The following SYTL5 variants were observed in gnomAD, a reference collection of about 807,000 sequenced individuals.
SYTL5 encodes the protein synaptotagmin-like protein 5.
In SYTL5, 34 loss-of-function variants were observed where a neutral mutation model predicts 55.9. The ratio of observed to expected loss-of-function variants is 0.61; its 90% CI spans 0.46 to 0.81. The LOEUF is 0.81. Ranked by LOEUF, SYTL5 falls within the 30% of genes least tolerant of loss-of-function variation. The pLI is 0.00. For missense variants in SYTL5, 637 were observed against 546.7 expected, an observed-to-expected ratio of 1.17 and a Z score of -1.65; for synonymous variants, 221 against 188.7, an observed-to-expected ratio of 1.17 and a Z score of -1.40.
chrX:38,115,927 C>T (rs888687982), intron 13 of SYTL5, among the ~76,000 whole-genome samples: 1 of 112,066 alleles, frequency 8.9e-6, no homozygotes, highest in Non-Finnish European at 1.9e-5. Flanking sequence ...CTTTGCTCTG[C>T]AGAAGTTCAG....
chrX:37,949,456 A>C, the SYTL5 span: 1 of 111,818 alleles, frequency 8.9e-6, no homozygotes, highest in Non-Finnish European at 1.9e-5. Flanking sequence ...TGTTGTTGTT[A>C]TTCATATTGC....
the SYTL5 span, among the ~76,000 whole-genome samples, chrX:37,890,041 G>C: frequency 9.0e-6 from 1 of 111,532 alleles, no homozygotes; most frequent in Non-Finnish European, 1.9e-5. Flanking sequence ...TTATACAAAG[G>C]CTGGAAGGTA....
chrX:37,906,464 G>A, the SYTL5 span: 5 of 111,549 alleles, frequency 4.5e-5, no homozygotes, highest in Non-Finnish European at 9.4e-5. Flanking sequence ...ATTCTTAGAG[G>A]TGGGGACAGG....
At chrX:38,070,456 G>A (rs780534582) in intron 3 of SYTL5, among the ~76,000 whole-genome samples, 1 of 110,387 alleles carries the variant, frequency 9.1e-6, no homozygotes, top group African/African-American at 3.3e-5. Context: ...ATGATACCCT[G>A]ATTTGCATCT....
the SYTL5 span, among the ~76,000 whole-genome samples, chrX:37,970,388 A>G: frequency 1.1e-5 from 1 of 94,893 alleles, no homozygotes; most frequent in African/African-American, 4.1e-5. Flanking sequence ...ACCTCTTTAT[A>G]TCTTTAACTT....
At chrX:37,928,696 G>A in the SYTL5 span, among the ~76,000 whole-genome samples, 4 of 111,857 alleles carry the variant, frequency 3.6e-5, no homozygotes, top group South Asian at 3.7e-4. Flanking sequence ...ACAAACCCTC[G>A]TGCCTTTTGA....
the SYTL5 span, among the ~76,000 whole-genome samples, chrX:37,999,317 G>T: frequency 1.8e-5 from 2 of 112,547 alleles, no homozygotes; most frequent in African/African-American, 3.2e-5. Context: ...ATGTAATGAA[G>T]GGCAATAAAT....
chrX:37,966,565 G>A, the SYTL5 span, among the ~76,000 whole-genome samples: 2 of 106,572 alleles, frequency 1.9e-5, no homozygotes, highest in African/African-American at 6.9e-5. Context: ...AGCCTCCTGA[G>A]TAGCTGGAAC....
At chrX:38,110,992 G>GA (rs1327862371) in intron 13 of SYTL5, among the ~76,000 whole-genome samples, 1 of 111,099 alleles carries the variant, frequency 9.0e-6, no homozygotes, top group Non-Finnish European at 1.9e-5. Flanking sequence ...GTTACATTCA[G>GA]AAAAAAAATC....
chrX:37,939,270 A>G, the SYTL5 span, among the ~76,000 whole-genome samples: 3 of 109,391 alleles, frequency 2.7e-5, no homozygotes, highest in Admixed American at 2.0e-4. Flanking sequence ...AAAAAAAAAG[A>G]AAAAAAAAGA....
chrX:37,944,445 G>A, the SYTL5 span, among the ~76,000 whole-genome samples: 18 of 111,596 alleles, frequency 1.6e-4, no homozygotes, highest in South Asian at 3.8e-4. Flanking sequence ...CCATGAAGAA[G>A]GCAGAAATCA....
chrX:38,099,231 A>G (rs1937020284), intron 9 of SYTL5, among the ~76,000 whole-genome samples: 1 of 111,118 alleles, frequency 9.0e-6, no homozygotes, highest in Non-Finnish European at 1.9e-5. Context: ...AAAACTAGGT[A>G]ATCAGTTATA....
chrX:37,991,974 T>A, the SYTL5 span, among the ~76,000 whole-genome samples: 41 of 112,553 alleles, frequency 3.6e-4, no homozygotes, highest in African/African-American at 1.3e-3. Flanking sequence ...AAATTTATGA[T>A]CTGGCCTAAG....
chrX:38,073,512 G>A (rs1936317081), intron 4 of SYTL5, 78 bp from the exon 5 acceptor site: 2 of 750,722 alleles, frequency 2.7e-6, no homozygotes, highest in African/African-American at 2.2e-5. Context: ...ATCTGGGAAA[G>A]TGAAAGCAGA....
chrX:37,936,099 T>G, the SYTL5 span, among the ~76,000 whole-genome samples: 7 of 112,016 alleles, frequency 6.2e-5, no homozygotes, highest in Non-Finnish European at 5.6e-5. Flanking sequence ...AAAATAGACT[T>G]TAAGACAAAA....
At chrX:37,976,470 T>G in the SYTL5 span, among the ~76,000 whole-genome samples, 23 of 111,709 alleles carry the variant, frequency 2.1e-4, no homozygotes, top group Admixed American at 2.2e-3. Context: ...TGATCAAGTT[T>G]AACAGAGAAG....
the SYTL5 span, among the ~76,000 whole-genome samples, chrX:37,895,812 T>G: frequency 9.0e-6 from 1 of 111,725 alleles, no homozygotes; most frequent in East Asian, 2.8e-4. Flanking sequence ...TCTATATCAA[T>G]ATTAAGCACA....
chrX:37,966,436 C>CTTTTTTTTTTTTT, the SYTL5 span, among the ~76,000 whole-genome samples: 8 of 78,154 alleles, frequency 1.0e-4, no homozygotes, highest in Non-Finnish European at 1.7e-4. Context: ...TTTTCTTTTT[C>CTTTTTTTTTTTTT]TTTTTTTTTT....
intron 6 of SYTL5, among the ~76,000 whole-genome samples, chrX:38,082,160 C>T (rs953541531): frequency 8.9e-6 from 1 of 111,933 alleles, no homozygotes; most frequent in African/African-American, 3.3e-5. Context: ...TGCTTCATTC[C>T]TGTGATCAAA....
Sources: allele counts gnomAD v4.1 joint callset (sites outside exome capture counted in the v4.1 genomes callset), GRCh38; gene constraint gnomAD v4.1.1; transcripts MANE v1.5; gene names NCBI Gene and HGNC (gene_info 2026-07-23, HGNC 2026-07-21).